Variants in GUCY1A2 observed in about 807,000 individuals in gnomAD.
GUCY1A2 encodes the protein guanylate cyclase 1 soluble subunit alpha 2.
GUCY1A2 carries 27 observed loss-of-function variants against 63.5 expected under a neutral mutation model. That is an observed-to-expected ratio of 0.43 (90% confidence interval 0.31 to 0.59). The LOEUF (loss-of-function observed/expected upper bound fraction) is 0.59, where lower values mean the gene tolerates loss of function less well. GUCY1A2 is among the 20% of genes least tolerant of loss of function. The pLI is 0.11. For missense variants in GUCY1A2, 768 were observed against 913.3 expected, an observed-to-expected ratio of 0.84 and a Z score of 2.05; for synonymous variants, 364 against 343.5, an observed-to-expected ratio of 1.06 and a Z score of -0.66.
At chr11:106,973,012 T>C (rs1005711744) in intron 3 of GUCY1A2, among the ~76,000 whole-genome samples, 2 of 152,122 alleles carry the variant, frequency 1.3e-5, no homozygotes, top group African/African-American at 2.4e-5. Context: ...GCAGTGTCCA[T>C]ATACAATGGT....
At chr11:106,776,089 TTG>T (rs1262487742) in intron 6 of GUCY1A2, among the ~76,000 whole-genome samples, 1 of 152,190 alleles carries the variant, frequency 6.6e-6, no homozygotes, top group Non-Finnish European at 1.5e-5. Context: ...CTTGCTTTTT[TTG>T]TGTTTTACTT....
intron 4 of GUCY1A2, among the ~76,000 whole-genome samples, chr11:106,903,033 C>T (rs1167593736): frequency 1.3e-5 from 2 of 152,164 alleles, no homozygotes; most frequent in Admixed American, 1.3e-4. Flanking sequence ...AGAACTCTAA[C>T]TGAACTTCAA....
intron 3 of GUCY1A2, among the ~76,000 whole-genome samples, chr11:106,956,120 G>C (rs963510070): frequency 1.3e-5 from 2 of 151,670 alleles, no homozygotes; most frequent in Non-Finnish European, 2.9e-5. Context: ...TTCTCATGCT[G>C]TGTTTTTCAG....
intron 1 of GUCY1A2, among the ~76,000 whole-genome samples, chr11:106,996,221 TA>T (rs1861533606): frequency 6.6e-6 from 1 of 152,112 alleles, no homozygotes; most frequent in African/African-American, 2.4e-5. Context: ...GAGGAAGTGG[TA>T]AAATTAGAGA....
At chr11:106,755,324 GT>G (rs1005904831) in intron 6 of GUCY1A2, among the ~76,000 whole-genome samples, 3 of 151,432 alleles carry the variant, frequency 2.0e-5, no homozygotes, top group Admixed American at 6.6e-5. Flanking sequence ...TTTTTGAAGG[GT>G]TTTTTTTGTG....
At chr11:106,943,308 C>T (rs925006224) in intron 3 of GUCY1A2, among the ~76,000 whole-genome samples, 2 of 152,194 alleles carry the variant, frequency 1.3e-5, no homozygotes, top group Non-Finnish European at 2.9e-5. Flanking sequence ...ATAGACAATG[C>T]TAATCTCCTC....
At chr11:106,700,448 G>GT (rs1376951629) in intron 7 of GUCY1A2, among the ~76,000 whole-genome samples, 4 of 152,148 alleles carry the variant, frequency 2.6e-5, no homozygotes, top group Non-Finnish European at 5.9e-5. Flanking sequence ...GAAAGAGATA[G>GT]TAAAAAGAAG....
intron 1 of GUCY1A2, among the ~76,000 whole-genome samples, chr11:107,014,808 G>A (rs1473939972): frequency 6.6e-6 from 1 of 152,138 alleles, no homozygotes; most frequent in Non-Finnish European, 1.5e-5. Context: ...TTCTCCTGAA[G>A]TATATTGTGA....
intron 6 of GUCY1A2, among the ~76,000 whole-genome samples, chr11:106,736,662 TGAA>T (rs1349070921): frequency 2.0e-5 from 3 of 152,214 alleles, no homozygotes. Context: ...TCTATTTCTG[TGAA>T]GAATGTCATT....
At chr11:106,883,781 C>A (rs544438266) in intron 4 of GUCY1A2, among the ~76,000 whole-genome samples, 1 of 152,008 alleles carries the variant, frequency 6.6e-6, no homozygotes, top group African/African-American at 2.4e-5. Flanking sequence ...GAGCAATGTA[C>A]GTCACCAGCC....
intron 1 of GUCY1A2, 65 bp from the exon 2 acceptor site, chr11:106,986,196 A>G: frequency 2.5e-6 from 2 of 813,652 alleles, no homozygotes; most frequent in Non-Finnish European, 4.2e-6. Context: ...CACTGTGAGT[A>G]TCGTAGGCAG....
At position 106,893,028 on chromosome 11, in the gene GUCY1A2, A is replaced by C. The variant is rs577648393; in HGVS notation, c.1206+46432T>G. Among the ~76,000 whole-genome samples, 3 of 152,346 alleles carry C rather than the reference A, an allele frequency of 2.0e-5. No homozygotes were observed. In the South Asian group the frequency reaches 6.2e-4, roughly 32 times the overall value. On this transcript the variant is annotated intron_variant, in intron 4 of 7. Coordinates refer to ENST00000526355, the MANE Select transcript of GUCY1A2 (RefSeq NM_000855.3). ...ATTAGCAATAACAACAACAAAAAAA[A>C]GTTTCCTGCAAGGAAAGATGTTCAC...
chr11:106,857,391 T>C (rs1274894726), intron 4 of GUCY1A2, among the ~76,000 whole-genome samples: 1 of 152,112 alleles, frequency 6.6e-6, no homozygotes, highest in Non-Finnish European at 1.5e-5. Context: ...AGGCTCCACC[T>C]CCAAGTACCA....
intron 7 of GUCY1A2, among the ~76,000 whole-genome samples, chr11:106,705,726 G>GGCACGCACCTGTAGTCCCAGCTAC (rs1862897307): frequency 1.3e-5 from 2 of 152,184 alleles, no homozygotes; most frequent in East Asian, 3.9e-4. Context: ...CAGGTGTGGT[G>GGCACGCACCTGTAGTCCCAGCTAC]GCACGCACCT....
At chr11:106,850,348 G>A (rs1256918958) in intron 4 of GUCY1A2, among the ~76,000 whole-genome samples, 1 of 151,698 alleles carries the variant, frequency 6.6e-6, no homozygotes, top group Non-Finnish European at 1.5e-5. Context: ...ACTTTGTGTT[G>A]TGAACATTCA....
intron 4 of GUCY1A2, among the ~76,000 whole-genome samples, chr11:106,910,731 T>A (rs1490387302): frequency 6.6e-6 from 1 of 152,094 alleles, no homozygotes; most frequent in East Asian, 1.9e-4. Context: ...CACGAAGTCA[T>A]ACATCAGCCT....
intron 4 of GUCY1A2, among the ~76,000 whole-genome samples, chr11:106,872,930 C>T (rs1454430986): frequency 6.6e-6 from 1 of 152,142 alleles, no homozygotes; most frequent in African/African-American, 2.4e-5. Flanking sequence ...CGCCTCCCAC[C>T]CCCGAAGAGG....
At chr11:106,989,369 T>G (rs900346660) in intron 1 of GUCY1A2, among the ~76,000 whole-genome samples, 7 of 152,154 alleles carry the variant, frequency 4.6e-5, no homozygotes, top group African/African-American at 1.7e-4. Flanking sequence ...TTTAGTTAAA[T>G]GATCTTTTTA....
chr11:106,986,199 G>A (rs369979981), intron 1 of GUCY1A2, 68 bp from the exon 2 acceptor site: 474 of 796,680 alleles, frequency 5.9e-4, no homozygotes, highest in African/African-American at 4.5e-3. Flanking sequence ...TGTGAGTATC[G>A]TAGGCAGACA....
Sources: gnomAD v4.1 joint callset for allele counts (sites outside exome capture counted in the v4.1 genomes callset) on GRCh38, gnomAD v4.1.1 for gene constraint, MANE v1.5 for transcripts, NCBI Gene and HGNC (gene_info 2026-07-23, HGNC 2026-07-21) for gene names.